Variants in SH3BGRL2 observed in about 807,000 individuals in gnomAD.
The protein encoded by SH3BGRL2 is SH3 domain-binding glutamic acid-rich-like protein 2.
Under a neutral mutation model 14.8 loss-of-function variants are expected in SH3BGRL2, and 21 were observed. The observed-to-expected ratio is 1.42, with a 90% CI of 1.01 to 2.05. The LOEUF is 2.05. SH3BGRL2 is among the 30% of genes most tolerant of loss of function. The pLI is 0.00. For missense variants in SH3BGRL2, 147 were observed against 130.8 expected, an observed-to-expected ratio of 1.12 and a Z score of -0.61; for synonymous variants, 50 against 47.8, an observed-to-expected ratio of 1.05 and a Z score of -0.19.
the SH3BGRL2 span, among the ~76,000 whole-genome samples, chr6:79,559,745 G>A: frequency 2.6e-4 from 40 of 152,270 alleles, no homozygotes; most frequent in Middle Eastern, 6.8e-3. Flanking sequence ...TATTCTTAGA[G>A]AATACACATG....
chr6:79,633,658 T>C (rs1028769806), intron 1 of SH3BGRL2, among the ~76,000 whole-genome samples: 45 of 152,322 alleles, frequency 3.0e-4, no homozygotes, highest in African/African-American at 1.1e-3. Context: ...ACCCAGTCTT[T>C]TCAGGTTTTA....
At chr6:79,682,013 A>G (rs1204282338) in intron 2 of SH3BGRL2, among the ~76,000 whole-genome samples, 1 of 148,922 alleles carries the variant, frequency 6.7e-6, no homozygotes, top group Admixed American at 6.9e-5. Context: ...ACACACACAC[A>G]CTACACACAC....
intron 1 of SH3BGRL2, among the ~76,000 whole-genome samples, chr6:79,646,939 G>A (rs1434540666): frequency 6.6e-6 from 1 of 152,294 alleles, no homozygotes; most frequent in Admixed American, 6.5e-5. Flanking sequence ...CCATTTATCA[G>A]TTGATGGATA....
chr6:79,584,905 A>G, the SH3BGRL2 span, among the ~76,000 whole-genome samples: 1 of 152,158 alleles, frequency 6.6e-6, no homozygotes, highest in Non-Finnish European at 1.5e-5. Context: ...TTACAGATAA[A>G]CCCATACTTG....
At chr6:79,605,958 AT>A in the SH3BGRL2 span, among the ~76,000 whole-genome samples, 1 of 152,348 alleles carries the variant, frequency 6.6e-6, no homozygotes, top group East Asian at 1.9e-4. Flanking sequence ...ACTTAATTAT[AT>A]TTTAATTTCC....
the SH3BGRL2 span, among the ~76,000 whole-genome samples, chr6:79,579,843 A>G: frequency 6.6e-6 from 1 of 152,342 alleles, no homozygotes; most frequent in East Asian, 1.9e-4. Context: ...CAATTAAAAG[A>G]CACAGACTGA....
At chr6:79,650,589 G>GA (rs1491361217) in intron 1 of SH3BGRL2, among the ~76,000 whole-genome samples, 1 of 152,066 alleles carries the variant, frequency 6.6e-6, no homozygotes, top group Non-Finnish European at 1.5e-5. Context: ...GGAAGGACAT[G>GA]AGAGAGAGAA....
intron 2 of SH3BGRL2, among the ~76,000 whole-genome samples, chr6:79,693,467 C>T (rs1770268213): frequency 6.6e-6 from 1 of 150,582 alleles, no homozygotes; most frequent in Admixed American, 6.6e-5. Flanking sequence ...CAGTTTTTGC[C>T]CATTCAGTAT....
At chr6:79,552,219 A>G in the SH3BGRL2 span, among the ~76,000 whole-genome samples, 1 of 152,228 alleles carries the variant, frequency 6.6e-6, no homozygotes, top group Non-Finnish European at 1.5e-5. Flanking sequence ...TTGTCCAGTC[A>G]AAGCTGTAGT....
chr6:79,702,013 T>C lies in SH3BGRL2; in HGVS notation c.*2504T>C, dbSNP rs1259952932. 3 of 152,590 alleles carry C rather than the reference T, an allele frequency of 2.0e-5. No homozygotes were observed. The highest frequency in any genetic ancestry group is 3.9e-4 in the East Asian group (2 of 5,188). The allele number at this position is 152,590 out of a possible 1,614,324, so 9.5% of individuals were successfully genotyped here. A position where few individuals can be genotyped will look rare whatever the true frequency, so the allele number is the denominator to read the frequency against. On this transcript the variant is annotated 3_prime_UTR_variant, in exon 4 of 4. Transcript: ENST00000369838. ...AAATGTGCTGCTAAAAATCAACTTA[T>C]GCCATTTTAAAATTAGATAAAATAT... is the stretch of plus-strand genomic sequence containing the variant.
chr6:79,579,018 T>A, the SH3BGRL2 span, among the ~76,000 whole-genome samples: 1 of 152,136 alleles, frequency 6.6e-6, no homozygotes, highest in East Asian at 1.9e-4. Flanking sequence ...TAAGCTTCAA[T>A]AGCTGATTCG....
intron 2 of SH3BGRL2, among the ~76,000 whole-genome samples, chr6:79,692,311 G>A (rs1414924385): frequency 6.6e-6 from 1 of 152,132 alleles, no homozygotes; most frequent in Non-Finnish European, 1.5e-5. Flanking sequence ...TAGGTTGCCT[G>A]TTCACTCTGA....
the SH3BGRL2 span, among the ~76,000 whole-genome samples, chr6:79,616,165 G>T: frequency 6.6e-6 from 1 of 152,212 alleles, no homozygotes; most frequent in Non-Finnish European, 1.5e-5. Context: ...AATGTGGGCT[G>T]AAGTCACCTT....
At position 79,699,561 on chromosome 6, in the gene SH3BGRL2, C is replaced by A; in HGVS notation, c.*52C>A. ...TGCATTTTGAAGCACCCCTGGTACT[C>A]AGCACACACATGCTTACCTAATGCA... On this transcript the variant is annotated 3_prime_UTR_variant, in exon 4 of 4. Transcript: ENST00000369838. 7.0e-7 allele frequency: 1 copy of A among 1,433,576 alleles called. No homozygotes were observed. Among genetic ancestry groups the A allele is most frequent in the East Asian group, 2.7e-5 (1 of 37,690 alleles). 88.8% of individuals were successfully genotyped at this position (1,433,576 alleles called of 1,614,324 possible).
At chr6:79,564,437 G>C in the SH3BGRL2 span, among the ~76,000 whole-genome samples, 1 of 151,840 alleles carries the variant, frequency 6.6e-6, no homozygotes, top group Non-Finnish European at 1.5e-5. Context: ...TGCAAATTCT[G>C]TGTCTTTTAC....
chr6:79,579,196 G>T, the SH3BGRL2 span, among the ~76,000 whole-genome samples: 1 of 152,192 alleles, frequency 6.6e-6, no homozygotes, highest in East Asian at 1.9e-4. Flanking sequence ...AAGTGATGGG[G>T]AGAATGGAAC....
the SH3BGRL2 span, among the ~76,000 whole-genome samples, chr6:79,558,271 G>C: frequency 6.6e-6 from 1 of 152,084 alleles, no homozygotes; most frequent in Admixed American, 6.5e-5. Context: ...TTAGGGCACA[G>C]GTCATATATA....
the SH3BGRL2 span, among the ~76,000 whole-genome samples, chr6:79,612,726 C>T: frequency 6.6e-6 from 1 of 152,170 alleles, no homozygotes; most frequent in African/African-American, 2.4e-5. Context: ...GAGCTCACAT[C>T]AACTGAAAGC....
chr6:79,589,928 C>T, the SH3BGRL2 span, among the ~76,000 whole-genome samples: 268 of 152,110 alleles, frequency 1.8e-3, no homozygotes, highest in African/African-American at 5.9e-3. Context: ...TGTACCACTA[C>T]GCCCCACTAA....
Sources: gnomAD v4.1 joint callset for allele counts (sites outside exome capture counted in the v4.1 genomes callset) on GRCh38, gnomAD v4.1.1 for gene constraint, MANE v1.5 for transcripts, NCBI Gene and HGNC (gene_info 2026-07-23, HGNC 2026-07-21) for gene names.